Variants in SUSD4 observed in about 807,000 individuals in gnomAD.
SUSD4 encodes the protein sushi domain containing 4.
A neutral mutation model predicts 50.5 loss-of-function variants in SUSD4; 41 were observed. That is an observed-to-expected ratio of 0.81 (90% CI 0.63 to 1.05). The LOEUF is 1.05. Among genes scored for constraint, SUSD4 ranks in the 50% least tolerant of loss-of-function variants. SUSD4 has a pLI of 0.00. For missense variants in SUSD4, 580 were observed against 634.7 expected (o/e 0.91, Z 0.93); for synonymous variants, 257 against 257.3 (o/e 1.00, Z 0.01).
At position 223,264,787 on chromosome 1, in the gene SUSD4, G is replaced by C; in HGVS notation, c.567C>G (p.Gly189=). ...TCTGGAGCTCAGAGATGTTTACATA[G>C]CCATTAGAAGAGGCTAGAGGTCTCA... is the stretch of plus-strand genomic sequence containing the variant. The part of the protein sequence containing the change: ...GCLRPLASSN[G]YVNISELQTS... The change falls in exon 5 of 9, where the codon GGC becomes GGG. Residue 189 remains glycine (G), a synonymous_variant. Transcript: ENST00000366878. 1.9e-6 allele frequency: 3 copies of C among 1,614,172 alleles called. No individual in the cohort carries two copies. The highest frequency in any genetic ancestry group is 2.5e-6 in the Non-Finnish European group (3 of 1,180,032).
intron 2 of SUSD4, among the ~76,000 whole-genome samples, chr1:223,329,807 T>C (rs1389967591): frequency 1.3e-5 from 2 of 151,928 alleles, no homozygotes; most frequent in Non-Finnish European, 2.9e-5. Flanking sequence ...GATGAATAGA[T>C]AAATGAATGG....
At position 223,316,891 on chromosome 1, in the gene SUSD4, T is replaced by C. The variant is rs927859703; in HGVS notation, c.149-24240A>G. Among the ~76,000 whole-genome samples, 3 of 152,068 alleles carry C rather than the reference T, an allele frequency of 2.0e-5. No homozygotes were observed. The South Asian group carries it at 6.2e-4, about 32-fold the overall frequency. On this transcript the variant is annotated intron_variant, in intron 2 of 8. Coordinates refer to ENST00000366878, the MANE Select transcript of SUSD4 (RefSeq NM_017982.4). The stretch of plus-strand genomic sequence containing the variant: ...GCCAAAGAAGGCAAGAGAGGGTGTC[T>C]GAGGCAAGGAGAGGCACCTAGGAGA...
At chr1:223,351,664 T>C (rs1668374855) in intron 2 of SUSD4, among the ~76,000 whole-genome samples, 1 of 151,324 alleles carries the variant, frequency 6.6e-6, no homozygotes, top group East Asian at 1.9e-4. Flanking sequence ...TAGGGTAGAG[T>C]CAATGAATGG....
intron 2 of SUSD4, among the ~76,000 whole-genome samples, chr1:223,358,647 G>A (rs1378739618): frequency 6.6e-6 from 1 of 152,170 alleles, no homozygotes; most frequent in Admixed American, 6.5e-5. Context: ...AAGAACCACT[G>A]ATTCTCTGAC....
intron 7 of SUSD4, 27 bp from the exon 8 acceptor site, chr1:223,223,658 T>C: frequency 6.4e-7 from 1 of 1,568,214 alleles, no homozygotes. Flanking sequence ...AGTGCCAACA[T>C]GTGAGAGCCA....
At chr1:223,293,313 C>T (rs1231209070) in intron 2 of SUSD4, among the ~76,000 whole-genome samples, 3 of 152,244 alleles carry the variant, frequency 2.0e-5, no homozygotes, top group Middle Eastern at 6.8e-3. Context: ...TTTCACTCTC[C>T]GCCTGCCTCA....
At position 223,223,375 on chromosome 1, in the gene SUSD4, G is replaced by A. The variant is rs112972745; in HGVS notation, c.1318C>T (p.Leu440Phe). 34 of 1,613,752 alleles carry A rather than the reference G, an allele frequency of 2.1e-5. 1 individual carries two copies. The African/African-American group carries it at 2.5e-4, about 12-fold the overall frequency. ...CDSVSGSSEL[L>F]QSLYSPPRCQ... ...CTGGGAGGTGAATACAGACTTTGGA[G>A]CAGCTCAGAAGAGCCTGAGACGCTG... The change falls in exon 8 of 9, where the codon CTC becomes TTC. Residue 440 changes from leucine (L) to phenylalanine (F), a missense_variant. By Grantham distance (22) the Leu-to-Phe change is conservative. Transcript: ENST00000366878.
At chr1:223,235,045 T>C in intron 5 of SUSD4, 1 of 1,610,962 alleles carries the variant, frequency 6.2e-7, no homozygotes, top group Non-Finnish European at 8.5e-7. Flanking sequence ...GCACAGCAGC[T>C]GCCAACCTGA....
intron 7 of SUSD4, among the ~76,000 whole-genome samples, chr1:223,226,075 C>G (rs1444452833): frequency 6.6e-6 from 1 of 152,170 alleles, no homozygotes; most frequent in Non-Finnish European, 1.5e-5. Context: ...ATCCTGGAAA[C>G]TTTTCTTCCA....
intron 5 of SUSD4, among the ~76,000 whole-genome samples, chr1:223,260,635 A>T (rs1368176661): frequency 6.6e-6 from 1 of 152,192 alleles, no homozygotes; most frequent in Non-Finnish European, 1.5e-5. Context: ...TTATACAGTC[A>T]TTGATTTTAA....
chr1:223,283,032 G>C (rs947557867), intron 3 of SUSD4, among the ~76,000 whole-genome samples: 6 of 152,188 alleles, frequency 3.9e-5, no homozygotes, highest in African/African-American at 1.4e-4. Context: ...AAACTGGCTA[G>C]CCATATGTAG....
chr1:223,237,129 T>C (rs1421117071), intron 5 of SUSD4, among the ~76,000 whole-genome samples: 1 of 152,110 alleles, frequency 6.6e-6, no homozygotes, highest in Admixed American at 6.5e-5. Flanking sequence ...GTATTGTGTT[T>C]TTAACTTCAA....
chr1:223,344,207 T>C (rs147317507), intron 2 of SUSD4, among the ~76,000 whole-genome samples: 4 of 152,324 alleles, frequency 2.6e-5, no homozygotes, highest in African/African-American at 7.2e-5. Flanking sequence ...GTTTTAATAC[T>C]GCACAGCAAA....
intron 2 of SUSD4, among the ~76,000 whole-genome samples, chr1:223,300,204 G>A (rs868825849): frequency 1.3e-5 from 2 of 152,136 alleles, no homozygotes; most frequent in African/African-American, 4.8e-5. Flanking sequence ...TGGCATCACC[G>A]TCACTGGCAC....
chr1:223,336,031 A>G (rs1028844175), intron 2 of SUSD4, among the ~76,000 whole-genome samples: 3 of 152,192 alleles, frequency 2.0e-5, no homozygotes, highest in Admixed American at 1.3e-4. Flanking sequence ...AGAAAACGTC[A>G]TTATAGTAGA....
chr1:223,222,117 C>G lies in SUSD4; in HGVS notation c.*75G>C, dbSNP rs963702976. ...AGACATTTTGCCCCCAGGCTCTATC[C>G]TTCTGTGACCTCACTCCAAGATACA... On this transcript the variant is annotated 3_prime_UTR_variant, in exon 9 of 9. Transcript: ENST00000366878. 2.0e-6 allele frequency: 3 copies of G among 1,524,634 alleles called. No individual in the cohort carries two copies. The African/African-American group carries it at 4.2e-5, about 21-fold the overall frequency. 94.4% of individuals were successfully genotyped at this position (1,524,634 alleles called of 1,614,324 possible). A position where few individuals can be genotyped will look rare whatever the true frequency, so the allele number is the denominator to read the frequency against.
chr1:223,320,918 TTTAAG>T (rs1404237683), intron 2 of SUSD4, among the ~76,000 whole-genome samples: 1 of 152,234 alleles, frequency 6.6e-6, no homozygotes, highest in African/African-American at 2.4e-5. Flanking sequence ...TGGTATTTCC[TTTAAG>T]TTTTTTCTAG....
intron 2 of SUSD4, among the ~76,000 whole-genome samples, chr1:223,297,720 A>G (rs184085039): frequency 6.6e-6 from 1 of 152,324 alleles, no homozygotes; most frequent in African/African-American, 2.4e-5. Flanking sequence ...CACTCTGACC[A>G]TCATCACTGC....
intron 5 of SUSD4, among the ~76,000 whole-genome samples, chr1:223,260,783 G>A (rs1319355137): frequency 6.6e-6 from 1 of 152,126 alleles, no homozygotes; most frequent in Non-Finnish European, 1.5e-5. Context: ...TAAAACATGC[G>A]ACCCACATCT....
Sources: gnomAD v4.1 joint callset for allele counts (sites outside exome capture counted in the v4.1 genomes callset) on GRCh38, gnomAD v4.1.1 for gene constraint, MANE v1.5 for transcripts, NCBI Gene and HGNC (gene_info 2026-07-23, HGNC 2026-07-21) for gene names.